Variants in CFAP299 observed in about 807,000 individuals in gnomAD.
CFAP299 encodes the protein cilia and flagella associated protein 299.
In CFAP299, 21 loss-of-function variants were observed where a neutral mutation model predicts 27.0. The observed-to-expected ratio is 0.78, with a 90% CI of 0.55 to 1.12. The LOEUF (loss-of-function observed/expected upper bound fraction) is 1.12. Among genes scored for constraint, CFAP299 ranks in the 50% most tolerant of loss-of-function variants. The pLI is 0.00. For synonymous variants in CFAP299, 104 were observed against 98.1 expected (o/e 1.06, Z -0.36); for missense variants, 310 against 276.6 (o/e 1.12, Z -0.86).
chr4:80,960,869 C>T (rs1056775438), intron 5 of CFAP299, among the ~76,000 whole-genome samples: 6 of 151,900 alleles, frequency 3.9e-5, no homozygotes, highest in African/African-American at 9.6e-5. Flanking sequence ...AAAATTAATA[C>T]ATTCATTAAC....
chr4:80,721,519 C>T (rs1160510018), intron 3 of CFAP299, among the ~76,000 whole-genome samples: 2 of 152,076 alleles, frequency 1.3e-5, no homozygotes, highest in Admixed American at 1.3e-4. Flanking sequence ...GATCAGGGCC[C>T]ATCCTAATGA....
chr4:80,636,055 A>T (rs1739453813), intron 3 of CFAP299, among the ~76,000 whole-genome samples: 1 of 152,232 alleles, frequency 6.6e-6, no homozygotes, highest in Non-Finnish European at 1.5e-5. Flanking sequence ...GAAGCCTCAA[A>T]TTAGAAAAAT....
intron 4 of CFAP299, among the ~76,000 whole-genome samples, chr4:80,882,878 A>T (rs1456563607): frequency 6.6e-6 from 1 of 152,198 alleles, no homozygotes; most frequent in Non-Finnish European, 1.5e-5. Context: ...GAGAGAGCTC[A>T]TTACAAGACC....
At chr4:80,659,837 GA>G (rs1740748007) in intron 3 of CFAP299, among the ~76,000 whole-genome samples, 1 of 151,982 alleles carries the variant, frequency 6.6e-6, no homozygotes, top group Non-Finnish European at 1.5e-5. Context: ...AAGTGATAAG[GA>G]AAAGTTTTTC....
chr4:80,945,757 G>A (rs901950493), intron 5 of CFAP299, among the ~76,000 whole-genome samples: 1 of 152,146 alleles, frequency 6.6e-6, no homozygotes, highest in South Asian at 2.1e-4. Flanking sequence ...CCAAAGGAAA[G>A]GGGGGTCAGG....
chr4:80,783,042 T>C (rs917889979), intron 3 of CFAP299, among the ~76,000 whole-genome samples: 49 of 152,196 alleles, frequency 3.2e-4, no homozygotes, highest in African/African-American at 1.1e-3. Context: ...CTTGTATTTA[T>C]TATTTCATAA....
intron 3 of CFAP299, among the ~76,000 whole-genome samples, chr4:80,800,507 T>G (rs1578138961): frequency 3.6e-5 from 1 of 27,644 alleles, no homozygotes; most frequent in South Asian, 1.6e-3. Context: ...TAATATATTA[T>G]ATAATATATA....
intron 3 of CFAP299, among the ~76,000 whole-genome samples, chr4:80,790,775 C>T (rs1382586769): frequency 6.6e-6 from 1 of 151,978 alleles, no homozygotes; most frequent in Non-Finnish European, 1.5e-5. Context: ...CCACAATCAG[C>T]AGGATATTCA....
intron 5 of CFAP299, among the ~76,000 whole-genome samples, chr4:80,945,548 G>T (rs1009198000): frequency 4.0e-5 from 6 of 151,866 alleles, no homozygotes; most frequent in African/African-American, 1.5e-4. Context: ...TATGTCTCGG[G>T]ATGAAAGTTA....
intron 2 of CFAP299, among the ~76,000 whole-genome samples, chr4:80,385,691 A>G (rs1032786626): frequency 6.6e-6 from 1 of 152,206 alleles, no homozygotes; most frequent in African/African-American, 2.4e-5. Flanking sequence ...AGTGCCTCCT[A>G]AAAGCCAACA....
intron 3 of CFAP299, among the ~76,000 whole-genome samples, chr4:80,739,843 C>G (rs1396540035): frequency 6.6e-6 from 1 of 151,938 alleles, no homozygotes; most frequent in Non-Finnish European, 1.5e-5. Context: ...TGTAGGTGTG[C>G]TTCTTTGTTT....
intron 3 of CFAP299, among the ~76,000 whole-genome samples, chr4:80,584,097 A>C (rs1736311206): frequency 1.3e-5 from 2 of 152,000 alleles, no homozygotes; most frequent in South Asian, 4.1e-4. Flanking sequence ...AAAATAAGGG[A>C]AAATTTCTTG....
chr4:80,883,041 T>C (rs946151699), intron 4 of CFAP299, among the ~76,000 whole-genome samples: 2 of 151,478 alleles, frequency 1.3e-5, no homozygotes, highest in Admixed American at 1.3e-4. Context: ...TAAATCATGT[T>C]CAATTCATAT....
rs113815968 is a variant in CFAP299 at position 80,376,450 on chromosome 4, C to T, written c.242+13566C>T. ...ATATCCAGGAATGTGATTACTGATT[C>T]GTGTGGCAGCTGTATATTTAATTTT... On this transcript the variant is annotated intron_variant, in intron 2 of 5. Coordinates refer to ENST00000358105, the MANE Select transcript of CFAP299 (RefSeq NM_152770.3). 7.9e-5 allele frequency among the ~76,000 whole-genome samples: 12 copies of T among 152,020 alleles called. 1 individual carries two copies. The highest frequency in any genetic ancestry group is 2.7e-4 in the African/African-American group (11 of 41,454).
chr4:80,746,176 A>G (rs891902180), intron 3 of CFAP299, among the ~76,000 whole-genome samples: 3 of 152,042 alleles, frequency 2.0e-5, no homozygotes, highest in African/African-American at 7.2e-5. Context: ...GGGCAAATAA[A>G]TTAACCACCT....
chr4:80,917,551 G>A (rs1468000708), intron 4 of CFAP299, among the ~76,000 whole-genome samples: 1 of 152,034 alleles, frequency 6.6e-6, no homozygotes, highest in Non-Finnish European at 1.5e-5. Context: ...TTGTGTTTGA[G>A]GGAACTCCAG....
chr4:80,633,989 T>C (rs1430014412), intron 3 of CFAP299, among the ~76,000 whole-genome samples: 1 of 149,854 alleles, frequency 6.7e-6, no homozygotes, highest in Admixed American at 6.7e-5. Context: ...AAACTTTTTT[T>C]TTTTTTTTTT....
chr4:80,841,399 C>T (rs1010093935), intron 3 of CFAP299, among the ~76,000 whole-genome samples: 11 of 152,018 alleles, frequency 7.2e-5, no homozygotes, highest in Non-Finnish European at 1.0e-4. Context: ...GTACAAATAC[C>T]ATTCTATAAA....
intron 3 of CFAP299, among the ~76,000 whole-genome samples, chr4:80,758,378 A>G (rs1725367312): frequency 6.6e-6 from 1 of 152,160 alleles, no homozygotes; most frequent in Non-Finnish European, 1.5e-5. Context: ...ATGGCCAGCC[A>G]TAGGCTCCCA....
Sources: gnomAD v4.1 joint callset for allele counts (sites outside exome capture counted in the v4.1 genomes callset) on GRCh38, gnomAD v4.1.1 for gene constraint, MANE v1.5 for transcripts, NCBI Gene and HGNC (gene_info 2026-07-23, HGNC 2026-07-21) for gene names.